The following OBI1 variants were observed in gnomAD, a reference collection of about 807,000 sequenced individuals.
OBI1 encodes ORC ubiquitin ligase 1.
In OBI1, 59 loss-of-function variants were observed where a neutral mutation model predicts 62.4. The observed-to-expected ratio is 0.95, with a 90% CI of 0.77 to 1.17. The LOEUF is 1.17. Ranked by LOEUF, OBI1 falls within the 50% of genes most tolerant of loss-of-function variation. The probability of loss-of-function intolerance (pLI) is 0.00; values close to 1 mark genes in which losing one functional copy is unlikely to be tolerated. For missense variants in OBI1, 875 were observed against 830.9 expected (o/e 1.05, Z -0.65); for synonymous variants, 302 against 292.8 (o/e 1.03, Z -0.32).
rs1387934442 is a variant in OBI1, at chr13:78,648,679, C to T, written c.73-3682G>A. Among the ~76,000 whole-genome samples the T allele has an allele frequency of 4.6e-5, 7 of 151,990 alleles. 1 individual carries two copies. The highest frequency in any genetic ancestry group is 1.9e-4 in the East Asian group (1 of 5,168). On this transcript the variant is annotated intron_variant, in intron 1 of 5. Transcript: ENST00000282003. Reference sequence around the variant, plus strand: ...CTGTAATTCCAGCACTTTGGGAGGCCGAGGCGGGCTGATCACCTGAGGTCA... The same window carrying T: ...CTGTAATTCCAGCACTTTGGGAGGCTGAGGCGGGCTGATCACCTGAGGTCA...
At position 78,617,022 on chromosome 13, in the gene OBI1, T is replaced by C; in HGVS notation, c.739A>G (p.Ile247Val). Residue 247 changes from isoleucine to valine, a missense_variant, in exon 6 of 6, where the codon ATA becomes GTA. Physicochemically the swap from Ile to Val is conservative, Grantham distance 29. Coordinates refer to ENST00000282003, the MANE Select transcript of OBI1 (RefSeq NM_024546.4). ...KKALERSDKY[I>V]EELESQVAQL... ...GCAACTTGAGATTCTAGTTCCTCTA[T>C]ATACTTATCACTTCGTTCCAGGGCT... 1 of 1,614,176 alleles carries C rather than the reference T, an allele frequency of 6.2e-7. No homozygotes were observed. The highest frequency in any genetic ancestry group is 1.3e-5 in the African/African-American group (1 of 75,068).
intron 4 of OBI1, 25 bp downstream of exon 4, chr13:78,638,798 T>C (rs1213695233): frequency 5.1e-6 from 8 of 1,583,898 alleles, no homozygotes; most frequent in Non-Finnish European, 6.9e-6. Flanking sequence ...ACAACCATAA[T>C]AGATTTTTAA....
intron 5 of OBI1, among the ~76,000 whole-genome samples, chr13:78,634,751 T>C (rs1299124895): frequency 6.6e-6 from 1 of 152,204 alleles, no homozygotes; most frequent in Non-Finnish European, 1.5e-5. Context: ...TATATGAACA[T>C]TAACTATTAC....
intron 5 of OBI1, chr13:78,620,760 C>A: frequency 2.4e-6 from 1 of 410,776 alleles, no homozygotes; most frequent in South Asian, 1.8e-5. Context: ...TCTCTAACAA[C>A]AAAAAGTTCC....
Position 78,615,900 on chromosome 13 carries a change from C to A in OBI1, c.1861G>T (p.Glu621Ter), listed in dbSNP as rs1372072713. The A allele has an allele frequency of 1.9e-6, 3 of 1,614,086 alleles. No homozygotes were observed. Among genetic ancestry groups the A allele is most frequent in the Non-Finnish European group, 2.5e-6 (3 of 1,179,994 alleles). The change falls in exon 6 of 6, where the codon GAA becomes TAA. Residue 621 changes from glutamate to a stop codon, truncating the protein, a stop_gained. Coordinates refer to ENST00000282003, the MANE Select transcript of OBI1 (RefSeq NM_024546.4). LOFTEE classifies it high-confidence loss of function. Reference protein sequence around the residue: ...SFFLLSPSDQEMNEDFSLHSS... With the variant: ...SFFLLSPSDQ Reference sequence around the variant, plus strand: ...TGGAGTGAAAAATCTTCATTCATTTCTTGGTCAGATGGAGAGAGGAGAAAA... The same window carrying A: ...TGGAGTGAAAAATCTTCATTCATTTATTGGTCAGATGGAGAGAGGAGAAAA...
At position 78,615,548 on chromosome 13, in the gene OBI1, G is replaced by A. The variant is rs1434085221; in HGVS notation, c.*32C>T. 6.7e-7 allele frequency: 1 copy of A among 1,488,734 alleles called. No homozygotes were observed. Among genetic ancestry groups the A allele is most frequent in the African/African-American group, 1.4e-5 (1 of 71,134 alleles). The allele number at this position is 1,488,734 out of a possible 1,614,324, so 92.2% of individuals were successfully genotyped here. A position where few individuals can be genotyped will look rare whatever the true frequency, so the allele number is the denominator to read the frequency against. On this transcript the variant is annotated 3_prime_UTR_variant, in exon 6 of 6. Coordinates refer to ENST00000282003, the MANE Select transcript of OBI1 (RefSeq NM_024546.4). ...TTAACAACTTTTCTATTTCTCTCAG[G>A]ACAAAACCACAAATGACACCTTTCT...
intron 2 of OBI1, among the ~76,000 whole-genome samples, chr13:78,644,284 G>T (rs944294766): frequency 1.3e-5 from 2 of 152,158 alleles, no homozygotes; most frequent in African/African-American, 4.8e-5. Flanking sequence ...TAGTCCTAGA[G>T]CAAGTCCCTG....
At chr13:78,652,596 C>T (rs964544444) in intron 1 of OBI1, among the ~76,000 whole-genome samples, 4 of 152,134 alleles carry the variant, frequency 2.6e-5, no homozygotes, top group African/African-American at 9.7e-5. Context: ...GGTCCCCAAC[C>T]TTTTTGGCAC....
chr13:78,648,602 T>C lies in OBI1; in HGVS notation c.73-3605A>G, dbSNP rs1490692520. On this transcript the variant is annotated intron_variant, in intron 1 of 5. Coordinates refer to ENST00000282003, the MANE Select transcript of OBI1 (RefSeq NM_024546.4). Reference sequence around the variant, plus strand: ...TCAAGATGCTCTGCCAATCTTTCCATAAAAAAAACACATTTAAAAGCAATC... The same window carrying C: ...TCAAGATGCTCTGCCAATCTTTCCACAAAAAAAACACATTTAAAAGCAATC... Among the ~76,000 whole-genome samples, 5 of 151,394 alleles carry C rather than the reference T, an allele frequency of 3.3e-5. No homozygotes were observed. The East Asian group carries it at 9.7e-4, about 29-fold the overall frequency.
chr13:78,657,459 A>G (rs1293594778), intron 1 of OBI1, among the ~76,000 whole-genome samples: 2 of 152,206 alleles, frequency 1.3e-5, no homozygotes, highest in Non-Finnish European at 2.9e-5. Context: ...ACAGACTCTA[A>G]GCTTTAATAT....
At chr13:78,650,343 G>C (rs1380515912) in intron 1 of OBI1, among the ~76,000 whole-genome samples, 2 of 152,228 alleles carry the variant, frequency 1.3e-5, no homozygotes, top group African/African-American at 2.4e-5. Context: ...AAGTATGATA[G>C]AAACAGGATC....
At position 78,616,560 on chromosome 13, in the gene OBI1, T is replaced by C. The variant is rs143737295; in HGVS notation, c.1201A>G (p.Ser401Gly). ...TPLSLSCLQL[S>G]TPENRESSVV... is the part of the protein sequence containing the mutation. ...GAGCTCTCTCTATTTTCTGGAGTAC[T>C]GAGCTGAAGGCAACTAAGGGACAAA... Residue 401 changes from serine (S) to glycine (G), a missense_variant, in exon 6 of 6, where the codon AGT becomes GGT. By Grantham distance (56) the Ser-to-Gly change is moderately conservative. Coordinates refer to ENST00000282003, the MANE Select transcript of OBI1 (RefSeq NM_024546.4). The C allele has an allele frequency of 7.9e-4, 1,273 of 1,614,118 alleles. 3 individuals are homozygous for C. Among genetic ancestry groups the C allele is most frequent in the Non-Finnish European group, 9.8e-4 (1,154 of 1,180,006 alleles).
At chr13:78,621,777 G>A (rs1007011810) in intron 5 of OBI1, among the ~76,000 whole-genome samples, 1 of 152,188 alleles carries the variant, frequency 6.6e-6, no homozygotes, top group African/African-American at 2.4e-5. Flanking sequence ...GAAAATGACA[G>A]GCTGACAAAA....
At chr13:78,631,829 T>C (rs1022779737) in intron 5 of OBI1, among the ~76,000 whole-genome samples, 3 of 152,152 alleles carry the variant, frequency 2.0e-5, no homozygotes, top group Admixed American at 1.3e-4. Flanking sequence ...AGGAAAAATG[T>C]CCAGGTACAG....
chr13:78,639,212 TG>T, intron 3 of OBI1, 141 bp from the exon 4 acceptor site: 1 of 821,940 alleles, frequency 1.2e-6, no homozygotes, highest in Non-Finnish European at 1.8e-6. Context: ...AAAAGAGTTT[TG>T]CAGGGAGAAA....
At chr13:78,618,407 CA>C (rs200253309) in intron 5 of OBI1, among the ~76,000 whole-genome samples, 2 of 150,744 alleles carry the variant, frequency 1.3e-5, no homozygotes, top group African/African-American at 4.9e-5. Flanking sequence ...AAAAAAACTA[CA>C]AAAAAAGCAG....
intron 1 of OBI1, among the ~76,000 whole-genome samples, chr13:78,645,343 A>T (rs939461231): frequency 2.6e-5 from 4 of 152,244 alleles, no homozygotes; most frequent in African/African-American, 9.6e-5. Context: ...ATTATAGAAC[A>T]GCAGGATTAG....
intron 1 of OBI1, among the ~76,000 whole-genome samples, chr13:78,653,638 G>A (rs1209176033): frequency 6.6e-6 from 1 of 152,182 alleles, no homozygotes; most frequent in Non-Finnish European, 1.5e-5. Flanking sequence ...TGTGCCTGAA[G>A]GAAGTGAGAT....
chr13:78,616,044 C>T lies in OBI1; in HGVS notation c.1717G>A (p.Gly573Ser), dbSNP rs529259808. Residue 573 changes from glycine to serine, a missense_variant, in exon 6 of 6, where the codon GGC becomes AGC. By Grantham distance (56) the Gly-to-Ser change is moderately conservative (BLOSUM62 0). Coordinates refer to ENST00000282003, the MANE Select transcript of OBI1 (RefSeq NM_024546.4). ...TCAGGTTCCTCAAGAAATTCACTGC[C>T]TTGAGATGACTTTGATAACCCATCC... The part of the protein sequence containing the change: ...DLDGLSKSSQ[G>S]SEFLEEPDKL... 19 of 1,613,996 alleles carry T rather than the reference C, an allele frequency of 1.2e-5. No homozygotes were observed. The highest frequency in any genetic ancestry group is 3.3e-5 in the Admixed American group (2 of 60,006).
Sources: gnomAD v4.1 joint callset for allele counts (sites outside exome capture counted in the v4.1 genomes callset) on GRCh38, gnomAD v4.1.1 for gene constraint, MANE v1.5 for transcripts, NCBI Gene and HGNC (gene_info 2026-07-23, HGNC 2026-07-21) for gene names.